Variants in SRD5A3 observed in about 807,000 individuals in gnomAD.
SRD5A3 encodes the protein polyprenal reductase.
Under a neutral mutation model 34.3 loss-of-function variants are expected in SRD5A3, and 24 were observed. The observed-to-expected ratio is 0.70, with a 90% CI of 0.51 to 0.99. SRD5A3 has a LOEUF of 0.99. SRD5A3 is among the 50% of genes least tolerant of loss of function. The pLI, the probability that SRD5A3 is intolerant of heterozygous loss-of-function variation, is 0.00. For synonymous variants in SRD5A3, 161 were observed against 167.3 expected (o/e 0.96, Z 0.29); for missense variants, 350 against 388.2 (o/e 0.90, Z 0.83).
At chr4:55,355,669 G>T (rs1197742187) in intron 1 of SRD5A3, among the ~76,000 whole-genome samples, 1 of 152,100 alleles carries the variant, frequency 6.6e-6, no homozygotes. Flanking sequence ...GTAACATAAG[G>T]CTGGAAAAGC....
chr4:55,352,478 G>A, intron 1 of SRD5A3: 1 of 648,036 alleles, frequency 1.5e-6, no homozygotes, highest in East Asian at 3.1e-5. Context: ...ACTGCCGAAG[G>A]GGTCCATGAT....
At chr4:55,362,629 T>C (rs1719726301) in intron 2 of SRD5A3, among the ~76,000 whole-genome samples, 2 of 140,418 alleles carry the variant, frequency 1.4e-5, no homozygotes, top group South Asian at 4.5e-4. Flanking sequence ...TAATTTTTTT[T>C]TTAATGTTTT....
intron 1 of SRD5A3, 186 bp from the exon 2 acceptor site, chr4:55,359,159 GT>G: frequency 1.4e-6 from 1 of 699,068 alleles, no homozygotes; most frequent in South Asian, 1.8e-5. Context: ...AAGTTAACTG[GT>G]CCCGTTATTT....
At chr4:55,354,803 TTACTG>T (rs1439227262) in intron 1 of SRD5A3, among the ~76,000 whole-genome samples, 3 of 152,156 alleles carry the variant, frequency 2.0e-5, no homozygotes, top group Non-Finnish European at 4.4e-5. Context: ...GCTATAAAAT[TTACTG>T]TGTGTGTGTG....
intron 4 of SRD5A3, 144 bp from the exon 5 acceptor site, chr4:55,369,688 A>T: frequency 1.1e-6 from 1 of 913,550 alleles, no homozygotes; most frequent in Non-Finnish European, 1.7e-6. Context: ...CCATGACTGC[A>T]CGACTGCACT....
At chr4:55,352,263 G>A in intron 1 of SRD5A3, 2 of 880,464 alleles carry the variant, frequency 2.3e-6, no homozygotes, top group Non-Finnish European at 2.0e-6. Context: ...AGGGTGTTGG[G>A]GAATTTCTCT....
In SRD5A3 at chr4:55,372,276, A is replaced by G. The variant is rs529433237; in HGVS notation, c.*2185A>G. The G allele has an allele frequency of 6.6e-6, 1 of 152,228 alleles. No homozygotes were observed. The highest frequency in any genetic ancestry group is 2.4e-5 in the African/African-American group (1 of 41,536). The allele number at this position is 152,228 out of a possible 1,614,324, so 9.4% of individuals were successfully genotyped here. A position where few individuals can be genotyped will look rare whatever the true frequency, so the allele number is the denominator to read the frequency against. ...CTAGAGATTTGGCTGATGTTCTGGAATCTCATTGTACTCTTAAGTAAAATA... is the reference window on the plus strand; with the variant it reads ...CTAGAGATTTGGCTGATGTTCTGGAGTCTCATTGTACTCTTAAGTAAAATA... On this transcript the variant is annotated 3_prime_UTR_variant, in exon 5 of 5. Coordinates refer to ENST00000264228, the MANE Select transcript of SRD5A3 (RefSeq NM_024592.5).
chr4:55,362,072 G>A (rs980551799), intron 2 of SRD5A3, among the ~76,000 whole-genome samples: 2 of 151,988 alleles, frequency 1.3e-5, no homozygotes, highest in African/African-American at 4.8e-5. Flanking sequence ...GTTCCCCATG[G>A]GAAGTTTGGG....
intron 2 of SRD5A3, 68 bp from the exon 3 acceptor site, chr4:55,364,006 A>G: frequency 6.5e-7 from 1 of 1,530,988 alleles, no homozygotes; most frequent in South Asian, 1.1e-5. Context: ...GCTTAACAGT[A>G]CAGAAAAACA....
intron 1 of SRD5A3, among the ~76,000 whole-genome samples, chr4:55,354,071 A>G (rs1719326451): frequency 6.6e-6 from 1 of 152,128 alleles, no homozygotes; most frequent in South Asian, 2.1e-4. Flanking sequence ...TGGGGCCTGG[A>G]GTCTGTTCCA....
intron 1 of SRD5A3, among the ~76,000 whole-genome samples, chr4:55,358,512 G>C (rs1415287799): frequency 8.4e-6 from 1 of 119,406 alleles, no homozygotes; most frequent in Non-Finnish European, 1.6e-5. Context: ...CTCCAGCCTG[G>C]ACAACACAGC....
In SRD5A3 at chr4:55,346,274, C is replaced by T. The variant is rs964211358; in HGVS notation, c.-63C>T. On this transcript the variant is annotated 5_prime_UTR_variant, in exon 1 of 5. Coordinates refer to ENST00000264228, the MANE Select transcript of SRD5A3 (RefSeq NM_024592.5). Reference sequence around the variant, plus strand: ...GACCGGTGCGCCGCGCGCTAGTGGCCGCTCTTCCGCGGGCTAGCGGGCGGT... The same window carrying T: ...GACCGGTGCGCCGCGCGCTAGTGGCTGCTCTTCCGCGGGCTAGCGGGCGGT... 1.8e-5 allele frequency: 24 copies of T among 1,326,172 alleles called. No homozygotes were observed. The highest frequency in any genetic ancestry group is 2.3e-5 in the Non-Finnish European group (24 of 1,036,622). The allele number at this position is 1,326,172 out of a possible 1,614,324, so 82.2% of individuals were successfully genotyped here.
intron 2 of SRD5A3, among the ~76,000 whole-genome samples, chr4:55,363,235 G>A (rs1378762743): frequency 1.3e-5 from 2 of 152,028 alleles, no homozygotes; most frequent in Admixed American, 1.3e-4. Flanking sequence ...AGGATGGCTT[G>A]AGGCCCGGAG....
intron 3 of SRD5A3, chr4:55,364,851 A>T (rs1453291346): frequency 6.3e-6 from 1 of 158,496 alleles, no homozygotes; most frequent in Non-Finnish European, 1.4e-5. Flanking sequence ...TCTTCAAGTG[A>T]CGCTGCCTGA....
At chr4:55,354,188 C>G (rs924040468) in intron 1 of SRD5A3, among the ~76,000 whole-genome samples, 1 of 152,136 alleles carries the variant, frequency 6.6e-6, no homozygotes, top group Non-Finnish European at 1.5e-5. Context: ...CCTCCCATCT[C>G]CTGGGTTCAA....
chr4:55,353,437 A>G (rs1046979405), intron 1 of SRD5A3, among the ~76,000 whole-genome samples: 1 of 152,220 alleles, frequency 6.6e-6, no homozygotes, highest in African/African-American at 2.4e-5. Context: ...AAATGGACCA[A>G]TCAGCACTCT....
chr4:55,346,446 C>G lies in SRD5A3; in HGVS notation c.110C>G (p.Pro37Arg). The change falls in exon 1 of 5, where the codon CCC (proline) becomes CGC (arginine). Residue 37 changes from proline (P) to arginine (R), a missense_variant. Coordinates refer to ENST00000264228, the MANE Select transcript of SRD5A3 (RefSeq NM_024592.5). ...ACCCTACTGCTGCAGCTCCTGCCGC[C>G]CGGCCTGCTCCCGGGCTGCGCGATC... Reference protein sequence around the residue: ...LLTLLLQLLPPGLLPGCAIFQ... With the variant: ...LLTLLLQLLPRGLLPGCAIFQ... 6.2e-7 allele frequency: 1 copy of G among 1,606,872 alleles called. No homozygotes were observed. The highest frequency in any genetic ancestry group is 8.5e-7 in the Non-Finnish European group (1 of 1,177,396).
intron 1 of SRD5A3, among the ~76,000 whole-genome samples, chr4:55,347,957 A>G (rs1475754516): frequency 2.0e-5 from 3 of 152,214 alleles, no homozygotes; most frequent in Non-Finnish European, 4.4e-5. Flanking sequence ...TATACTTCAC[A>G]GCAATTTATT....
At chr4:55,356,587 G>A (rs556435743) in intron 1 of SRD5A3, among the ~76,000 whole-genome samples, 33 of 151,926 alleles carry the variant, frequency 2.2e-4, no homozygotes, top group South Asian at 8.3e-4. Context: ...TGAGCCTCCC[G>A]AGTAGCTGGA....
Sources: gnomAD v4.1 joint callset for allele counts (sites outside exome capture counted in the v4.1 genomes callset) on GRCh38, gnomAD v4.1.1 for gene constraint, MANE v1.5 for transcripts, NCBI Gene and HGNC (gene_info 2026-07-23, HGNC 2026-07-21) for gene names.